Variants in SPTBN1 observed in about 807,000 individuals in gnomAD.
SPTBN1 encodes the protein spectrin beta, non-erythrocytic 1, also known as spectrin beta chain, non-erythrocytic 1.
SPTBN1 carries 32 observed loss-of-function variants against 266.4 expected under a neutral mutation model. The ratio of observed to expected loss-of-function variants is 0.12; its 90% CI spans 0.09 to 0.16. The LOEUF (loss-of-function observed/expected upper bound fraction) is 0.16, where lower values mean the gene tolerates loss of function less well. Among genes scored for constraint, SPTBN1 ranks in the 10% least tolerant of loss-of-function variants. SPTBN1 has a pLI of 1.00. For missense variants in SPTBN1, 2,296 were observed against 3,067.1 expected (o/e 0.75, Z 5.94); for synonymous variants, 1,336 against 1,162.2 (o/e 1.15, Z -3.04).
chr2:54,518,294 G>A (rs1352965363), intron 1 of SPTBN1, among the ~76,000 whole-genome samples: 1 of 151,930 alleles, frequency 6.6e-6, no homozygotes, highest in Non-Finnish European at 1.5e-5. Flanking sequence ...TCACACACCG[G>A]GGCCTGTCAT....
intron 17 of SPTBN1, among the ~76,000 whole-genome samples, chr2:54,634,599 G>A (rs1678984829): frequency 6.6e-6 from 1 of 152,168 alleles, no homozygotes; most frequent in Non-Finnish European, 1.5e-5. Flanking sequence ...TGACCCTAGA[G>A]GGTACTTGTC....
chr2:54,470,027 A>G (rs1222827359), intron 1 of SPTBN1, among the ~76,000 whole-genome samples: 2 of 152,232 alleles, frequency 1.3e-5, no homozygotes, highest in Non-Finnish European at 2.9e-5. Context: ...ATCAACACCC[A>G]GGGCTAAAGG....
chr2:54,569,979 C>CG (rs970079557), intron 2 of SPTBN1, among the ~76,000 whole-genome samples: 2 of 149,568 alleles, frequency 1.3e-5, no homozygotes, highest in Non-Finnish European at 3.0e-5. Flanking sequence ...ATTCCCCCCC[C>CG]CCTTTAGAAA....
chr2:54,557,827 T>C, intron 2 of SPTBN1: 1 of 985,372 alleles, frequency 1.0e-6, no homozygotes, highest in Non-Finnish European at 1.2e-6. Flanking sequence ...GAGCCCGAAC[T>C]TACACCTCCC....
chr2:54,542,722 G>A (rs1282566379), intron 2 of SPTBN1, among the ~76,000 whole-genome samples: 1 of 152,146 alleles, frequency 6.6e-6, no homozygotes, highest in Non-Finnish European at 1.5e-5. Flanking sequence ...GTGGCTGAGG[G>A]CTTGAGAAAG....
intron 2 of SPTBN1, among the ~76,000 whole-genome samples, chr2:54,561,756 A>ATAAATATATATATATAGTT (rs1441222251): frequency 6.7e-6 from 1 of 148,488 alleles, no homozygotes; most frequent in African/African-American, 2.4e-5. Context: ...TTTATATATA[A>ATAAATATATATATATAGTT]ATATAGTTAT....
At position 54,646,079 on chromosome 2, in the gene SPTBN1, G is replaced by A. The variant is rs1679908274; in HGVS notation, c.4584+62G>A. ...ATAATTGCTCTAAATTATGAGACTGGGAATGGCAGAGAGCTTTGAAGCCTT... is the reference window on the plus strand; with the variant it reads ...ATAATTGCTCTAAATTATGAGACTGAGAATGGCAGAGAGCTTTGAAGCCTT... On this transcript the variant is annotated intron_variant, in intron 22 of 35. Transcript: ENST00000356805. This position sits in a 1 kb window ranked among gnomAD's most constrained non-coding sequence, Gnocchi z 4.4. The A allele has an allele frequency of 3.1e-6, 5 of 1,611,814 alleles. No homozygotes were observed. The highest frequency in any genetic ancestry group is 4.2e-6 in the Non-Finnish European group (5 of 1,178,370).
At chr2:54,480,945 GA>G (rs1414767576) in intron 1 of SPTBN1, among the ~76,000 whole-genome samples, 4 of 152,258 alleles carry the variant, frequency 2.6e-5, no homozygotes, top group African/African-American at 9.6e-5. Context: ...ATAATTTGGG[GA>G]GGGGGTTAAT....
chr2:54,635,641 G>A (rs1277595784), intron 17 of SPTBN1, among the ~76,000 whole-genome samples: 1 of 152,226 alleles, frequency 6.6e-6, no homozygotes, highest in Non-Finnish European at 1.5e-5. Flanking sequence ...CGTGAGAGGC[G>A]AGGATGTGTG....
At position 54,664,286 on chromosome 2, in the gene SPTBN1, A is replaced by G; in HGVS notation, c.6421-167A>G. On this transcript the variant is annotated intron_variant, in intron 32 of 35. Coordinates refer to ENST00000356805, the MANE Select transcript of SPTBN1 (RefSeq NM_003128.3). This position sits in a 1 kb window ranked among gnomAD's most constrained non-coding sequence, Gnocchi z 5.6. ...GGGTATTAATCCATTCCCACCTTCTAATGTCCTTGATGTCCAGCTGGCTTT... is the reference window on the plus strand; with the variant it reads ...GGGTATTAATCCATTCCCACCTTCTGATGTCCTTGATGTCCAGCTGGCTTT... 1.5e-6 allele frequency: 1 copy of G among 684,660 alleles called. No homozygotes were observed. The highest frequency in any genetic ancestry group is 2.5e-6 in the Non-Finnish European group (1 of 399,044). The allele number at this position is 684,660 out of a possible 1,614,324, so 42.4% of individuals were successfully genotyped here.
intron 2 of SPTBN1, chr2:54,557,972 C>T (rs929112975): frequency 1.6e-5 from 16 of 984,994 alleles, no homozygotes; most frequent in Admixed American, 1.2e-4. Context: ...GCCGCGTTAC[C>T]TCAGCAGACG....
intron 28 of SPTBN1, among the ~76,000 whole-genome samples, 165 bp from the exon 29 acceptor site, chr2:54,655,749 T>G (rs1022035641): frequency 2.6e-5 from 4 of 152,222 alleles, no homozygotes; most frequent in African/African-American, 9.7e-5. Context: ...AGTGCTATGC[T>G]TTTCTTTCCT....
chr2:54,611,265 TC>T (rs1346690467), intron 3 of SPTBN1, among the ~76,000 whole-genome samples: 2 of 152,194 alleles, frequency 1.3e-5, no homozygotes, highest in Non-Finnish European at 2.9e-5. Flanking sequence ...GTCACCAATC[TC>T]TAAAAAGTTT....
intron 5 of SPTBN1, 121 bp from the exon 6 acceptor site, chr2:54,617,487 G>T (rs543078573): frequency 2.6e-6 from 2 of 762,062 alleles, no homozygotes; most frequent in South Asian, 3.7e-5. Flanking sequence ...TGTCCTTAGT[G>T]ATATTCACTG....
intron 3 of SPTBN1, among the ~76,000 whole-genome samples, chr2:54,606,552 C>T (rs1175121845): frequency 2.0e-5 from 3 of 152,202 alleles, no homozygotes; most frequent in African/African-American, 7.2e-5. Flanking sequence ...ATCCCCATCC[C>T]TCAAATTTGA....
chr2:54,497,455 T>C (rs1669028584), intron 1 of SPTBN1, among the ~76,000 whole-genome samples: 1 of 152,204 alleles, frequency 6.6e-6, no homozygotes, highest in Admixed American at 6.5e-5. Flanking sequence ...GTCACCTCTT[T>C]ATTGATCTGC....
rs187920725 is a variant in SPTBN1, at chr2:54,509,032, G to C, written c.-47-17340G>C. Among the ~76,000 whole-genome samples, 7 of 152,306 alleles carry C rather than the reference G, an allele frequency of 4.6e-5. No individual in the cohort carries two copies. The South Asian group carries it at 1.0e-3, about 23-fold the overall frequency. ...TGCAAGAGTGAGGGCTCAAGTTAAG[G>C]CAGTGAGTTCAGCTTGCTGAGAGGT... On this transcript the variant is annotated intron_variant, in intron 1 of 35. Coordinates refer to ENST00000356805, the MANE Select transcript of SPTBN1 (RefSeq NM_003128.3).
At chr2:54,650,129 A>G (rs939262254) in intron 26 of SPTBN1, 140 bp downstream of exon 26, 4 of 1,114,132 alleles carry the variant, frequency 3.6e-6, no homozygotes, top group African/African-American at 3.1e-5. Flanking sequence ...CCACTTTGTA[A>G]TAGTGCTCCA....
chr2:54,587,777 G>A (rs896742874), intron 2 of SPTBN1, among the ~76,000 whole-genome samples: 1 of 152,024 alleles, frequency 6.6e-6, no homozygotes, highest in Admixed American at 6.6e-5. Flanking sequence ...TGTCCCTCCT[G>A]CCAAATGGGG....
Sources: allele counts gnomAD v4.1 joint callset (sites outside exome capture counted in the v4.1 genomes callset), GRCh38; gene constraint gnomAD v4.1.1; non-coding constraint Gnocchi (gnomAD v3.1); transcripts MANE v1.5; gene names NCBI Gene and HGNC (gene_info 2026-07-23, HGNC 2026-07-21).